ZNF469: variants seen among roughly 807,000 people sequenced by gnomAD.
The protein encoded by ZNF469 is zinc finger protein 469.
ZNF469 carries 1 observed loss-of-function variant against 1.0 expected under a neutral mutation model. The observed-to-expected ratio is 1.00, with a 90% CI of 0.35 to 4.73. The LOEUF (loss-of-function observed/expected upper bound fraction) is 4.73, where lower values mean the gene tolerates loss of function less well. Ranked by LOEUF, ZNF469 falls within the 30% of genes most tolerant of loss-of-function variation. The pLI is 0.16. For synonymous variants in ZNF469, 2,703 were observed against 2,363.4 expected, an observed-to-expected ratio of 1.14 and a Z score of -4.17; for missense variants, 6,100 against 5,356.3, an observed-to-expected ratio of 1.14 and a Z score of -4.33.
the ZNF469 span, among the ~76,000 whole-genome samples, chr16:88,246,374 G>T: frequency 4.6e-5 from 7 of 152,086 alleles, no homozygotes; most frequent in South Asian, 2.1e-4. Context: ...GCGTCATAGT[G>T]GGGGAGCAAA....
chr16:88,377,122 C>G, the ZNF469 span, among the ~76,000 whole-genome samples: 1 of 152,118 alleles, frequency 6.6e-6, no homozygotes, highest in Non-Finnish European at 1.5e-5. Context: ...TTAGCCACCA[C>G]TCCTGTGTCT....
At chr16:88,333,027 A>G in the ZNF469 span, among the ~76,000 whole-genome samples, 3 of 152,068 alleles carry the variant, frequency 2.0e-5, no homozygotes, top group African/African-American at 7.2e-5. Context: ...ACCAGGACAC[A>G]CCCCGTGGGT....
upstream of ZNF469, among the ~76,000 whole-genome samples, chr16:88,380,070 C>A (rs1256940016): frequency 6.6e-6 from 1 of 150,610 alleles, no homozygotes; most frequent in Non-Finnish European, 1.5e-5. Context: ...TACTCACACA[C>A]AGACACGCAC....
the ZNF469 span, among the ~76,000 whole-genome samples, chr16:88,146,659 G>A: frequency 6.6e-6 from 1 of 151,660 alleles, no homozygotes; most frequent in African/African-American, 2.4e-5. Context: ...CCCGTGTGCT[G>A]TGCATTTGTG....
chr16:88,254,569 C>T, the ZNF469 span, among the ~76,000 whole-genome samples: 1 of 151,996 alleles, frequency 6.6e-6, no homozygotes, highest in African/African-American at 2.4e-5. Flanking sequence ...AGTAGCCTGG[C>T]CAATATGATG....
chr16:88,329,937 CA>C, the ZNF469 span, among the ~76,000 whole-genome samples: 1 of 152,214 alleles, frequency 6.6e-6, no homozygotes, highest in East Asian at 1.9e-4. Context: ...ATCATCCAGG[CA>C]CCCAAAGGAA....
the ZNF469 span, among the ~76,000 whole-genome samples, chr16:88,103,148 C>G: frequency 2.6e-5 from 4 of 151,788 alleles, no homozygotes; most frequent in Non-Finnish European, 5.9e-5. Flanking sequence ...GGCCCCTCCC[C>G]CCTCCCCTGG....
the ZNF469 span, among the ~76,000 whole-genome samples, chr16:88,217,149 G>A: frequency 1.5e-5 from 2 of 132,534 alleles, no homozygotes; most frequent in Non-Finnish European, 3.4e-5. Flanking sequence ...ATTTTTGATT[G>A]AATACTAACA....
the ZNF469 span, among the ~76,000 whole-genome samples, chr16:88,141,410 C>G: frequency 1.8e-4 from 26 of 142,506 alleles, no homozygotes; most frequent in African/African-American, 5.9e-4. Context: ...ATGAAATGCT[C>G]AGCCTGGGAA....
the ZNF469 span, among the ~76,000 whole-genome samples, chr16:88,136,869 G>T: frequency 6.6e-6 from 1 of 152,242 alleles, no homozygotes; most frequent in African/African-American, 2.4e-5. Flanking sequence ...GGAGGGCTTT[G>T]TCCTGAGCCT....
the ZNF469 span, among the ~76,000 whole-genome samples, chr16:88,218,367 G>A: frequency 1.3e-5 from 2 of 149,272 alleles, no homozygotes; most frequent in Admixed American, 6.7e-5. Context: ...AGTAGGTTGC[G>A]AAAATTTTCT....
At position 88,433,662 on chromosome 16, in the gene ZNF469, G is replaced by A. The variant is rs1259166480; in HGVS notation, c.6192G>A (p.Glu2064=). Reference sequence around the variant, plus strand: ...CAAGCCCCCCGTCCCCTAATAGGGAGTCCCTGGCGCTGGCCTTGACAGCAG... The same window carrying A: ...CAAGCCCCCCGTCCCCTAATAGGGAATCCCTGGCGCTGGCCTTGACAGCAG... The part of the protein sequence containing the change: ...PTPSPPSPNR[E]SLALALTAAH... The change falls in exon 3 of 3, where the codon GAG becomes GAA. Residue 2064 remains glutamate (E), a synonymous_variant. Coordinates refer to ENST00000565624, the MANE Select transcript of ZNF469 (RefSeq NM_001367624.2). 4.5e-6 allele frequency: 7 copies of A among 1,549,978 alleles called. No homozygotes were observed. Among genetic ancestry groups the A allele is most frequent in the Middle Eastern group, 1.7e-4 (1 of 6,014 alleles).
the ZNF469 span, among the ~76,000 whole-genome samples, chr16:88,300,894 G>A: frequency 6.6e-6 from 1 of 152,012 alleles, no homozygotes. Context: ...GTGAAACCGC[G>A]TCTCTACTGA....
chr16:88,265,748 T>G, the ZNF469 span, among the ~76,000 whole-genome samples: 75 of 152,320 alleles, frequency 4.9e-4, 2 homozygotes, highest in Middle Eastern at 0.01. Flanking sequence ...TGCGAAACTC[T>G]GCACCTCGGG....
In ZNF469 at chr16:88,431,740, T is replaced by C; in HGVS notation, c.4270T>C (p.Ser1424Pro). The C allele has an allele frequency of 6.5e-7, 1 of 1,550,028 alleles. No individual in the cohort carries two copies. The highest frequency in any genetic ancestry group is 8.7e-7 in the Non-Finnish European group (1 of 1,146,950). ...CLCQDGEDAG[S>P]LEPQLPRSPP... ...TTGCCAGGACGGCGAGGATGCCGGTTCCCTCGAGCCACAGCTGCCAAGGAG... is the reference window on the plus strand; with the variant it reads ...TTGCCAGGACGGCGAGGATGCCGGTCCCCTCGAGCCACAGCTGCCAAGGAG... The change falls in exon 3 of 3, where the codon TCC (serine) becomes CCC (proline). Residue 1424 changes from serine (S) to proline (P), a missense_variant. Physicochemically the swap from Ser to Pro is moderately conservative, Grantham distance 74. Transcript: ENST00000565624.
chr16:88,427,842 C>G lies in ZNF469; in HGVS notation c.372C>G (p.Ile124Met), dbSNP rs1348571916. 1.9e-6 allele frequency: 3 copies of G among 1,549,022 alleles called. No individual in the cohort carries two copies. Among genetic ancestry groups the G allele is most frequent in the Non-Finnish European group, 2.6e-6 (3 of 1,146,816 alleles). Residue 124 changes from isoleucine to methionine, a missense_variant, in exon 3 of 3, where the codon ATC (isoleucine) becomes ATG (methionine). Coordinates refer to ENST00000565624, the MANE Select transcript of ZNF469 (RefSeq NM_001367624.2). ...CCCCACAGCGCTACATTCTGGGCAT[C>G]GCCAGCTCGAGGACCAAGCCCACCC... ...GSPPQRYILG[I>M]ASSRTKPTLD...
intron 1 of ZNF469, among the ~76,000 whole-genome samples, chr16:88,421,524 A>T (rs1464625533): frequency 1.3e-5 from 2 of 152,016 alleles, no homozygotes; most frequent in Non-Finnish European, 2.9e-5. Context: ...CGCGTCCCCG[A>T]GCCCCTGGAG....
At chr16:88,358,684 C>G in the ZNF469 span, among the ~76,000 whole-genome samples, 38 of 152,056 alleles carry the variant, frequency 2.5e-4, no homozygotes, top group Non-Finnish European at 5.6e-4. Context: ...TGTGAAGGCA[C>G]CACTTTTGTT....
chr16:88,142,792 A>G, the ZNF469 span, among the ~76,000 whole-genome samples: 1 of 152,162 alleles, frequency 6.6e-6, no homozygotes, highest in Non-Finnish European at 1.5e-5. Flanking sequence ...AGGGTCCCTG[A>G]TGTGGGTCAC....
Sources: gnomAD v4.1 joint callset for allele counts (sites outside exome capture counted in the v4.1 genomes callset) on GRCh38, gnomAD v4.1.1 for gene constraint, MANE v1.5 for transcripts, NCBI Gene and HGNC (gene_info 2026-07-23, HGNC 2026-07-21) for gene names.